The following PPP2R3C variants were observed in gnomAD, a reference collection of about 807,000 sequenced individuals.
PPP2R3C encodes the protein serine/threonine-protein phosphatase 2A regulatory subunit B'' subunit gamma.
Under a neutral mutation model 63.7 loss-of-function variants are expected in PPP2R3C, and 47 were observed. The observed-to-expected ratio is 0.74, with a 90% CI of 0.58 to 0.94. PPP2R3C has a LOEUF of 0.94. Among genes scored for constraint, PPP2R3C ranks in the 40% least tolerant of loss-of-function variants. The pLI is 0.00. For missense variants in PPP2R3C, 421 were observed against 518.4 expected (o/e 0.81, Z 1.82); for synonymous variants, 180 against 177.4 (o/e 1.01, Z -0.12).
At chr14:35,099,519 AC>A in intron 6 of PPP2R3C, 135 bp from the exon 7 acceptor site, 1 of 1,109,098 alleles carries the variant, frequency 9.0e-7, no homozygotes, top group Non-Finnish European at 1.2e-6. Context: ...TAGTGGTAAA[AC>A]TATTTTACAT....
At chr14:35,093,382 G>A (rs2045893503) in intron 10 of PPP2R3C, among the ~76,000 whole-genome samples, 1 of 152,072 alleles carries the variant, frequency 6.6e-6, no homozygotes, top group Non-Finnish European at 1.5e-5. Flanking sequence ...TGCAGATTGT[G>A]ATCTGACTTC....
rs539974574 is a variant in PPP2R3C at position 35,093,106 on chromosome 14, G to C, written c.976-1899C>G. Reference sequence around the variant, plus strand: ...CGGGCGCCTGTAGTCCCAGCTACTCGGGAGGCTGAGGCAGGAGAATGGCGT... The same window carrying C: ...CGGGCGCCTGTAGTCCCAGCTACTCCGGAGGCTGAGGCAGGAGAATGGCGT... On this transcript the variant is annotated intron_variant, in intron 10 of 12. Transcript: ENST00000261475. 9.2e-5 allele frequency among the ~76,000 whole-genome samples: 14 copies of C among 152,178 alleles called. No homozygotes were observed. In the East Asian group the frequency reaches 2.3e-3, roughly 25 times the overall value.
At chr14:35,090,693 C>G (rs1352246695) in intron 11 of PPP2R3C, among the ~76,000 whole-genome samples, 4 of 148,214 alleles carry the variant, frequency 2.7e-5, no homozygotes, top group Non-Finnish European at 5.9e-5. Context: ...CTAGCCACTG[C>G]TTTTGCTGCA....
chr14:35,099,039 G>A, intron 7 of PPP2R3C: 1 of 512,992 alleles, frequency 1.9e-6, no homozygotes, highest in Non-Finnish European at 3.1e-6. Context: ...GCAGGTTATG[G>A]TCAGTGCAAG....
At chr14:35,096,476 G>T in intron 9 of PPP2R3C, 82 bp downstream of exon 9, 2 of 1,178,536 alleles carry the variant, frequency 1.7e-6, no homozygotes, top group Non-Finnish European at 2.5e-6. Context: ...AGGTATATCA[G>T]TGTATGTATA....
intron 6 of PPP2R3C, chr14:35,101,587 G>GA: frequency 6.6e-6 from 1 of 152,164 alleles, no homozygotes. Flanking sequence ...GAAGCACTGT[G>GA]AAAAAATTAC....
Position 35,109,913 on chromosome 14 carries a change from C to T in PPP2R3C, c.310G>A (p.Asp104Asn), listed in dbSNP as rs760770452. 2.9e-5 allele frequency: 46 copies of T among 1,600,054 alleles called. No homozygotes were observed. The highest frequency in any genetic ancestry group is 3.8e-5 in the Non-Finnish European group (44 of 1,171,276). Residue 104 changes from aspartate to asparagine, a missense_variant, in exon 4 of 13, where the codon GAC (aspartate) becomes AAC (asparagine). Around this residue, in one of 3 missense-constraint regions of PPP2R3C, gnomAD observed 143 missense variants for 151.2 expected, o/e 0.95. Coordinates refer to ENST00000261475, the MANE Select transcript of PPP2R3C (RefSeq NM_017917.4). ...ATCATAGGTGGTGTCTGGTGTTTGT[C>T]CAGCAAAAACCATAAGTTCTTAAGA... ...EELQNLWFLL[D>N]KHQTPPMIGE...
intron 4 of PPP2R3C, among the ~76,000 whole-genome samples, chr14:35,109,249 G>T (rs532238019): frequency 1.8e-4 from 27 of 152,110 alleles, no homozygotes; most frequent in Non-Finnish European, 2.2e-4. Flanking sequence ...TAGAGACGGG[G>T]TTTCACCATG....
chr14:35,097,717 C>G (rs1000914120), intron 7 of PPP2R3C, among the ~76,000 whole-genome samples: 1 of 152,144 alleles, frequency 6.6e-6, no homozygotes, highest in African/African-American at 2.4e-5. Context: ...CACCTGACCT[C>G]AGATGATTCA....
chr14:35,089,678 C>A (rs199742625), intron 11 of PPP2R3C, among the ~76,000 whole-genome samples: 1 of 146,634 alleles, frequency 6.8e-6, no homozygotes, highest in Non-Finnish European at 1.5e-5. Flanking sequence ...TTTTTTTTTT[C>A]TTTTTGAGAC....
intron 1 of PPP2R3C, among the ~76,000 whole-genome samples, chr14:35,121,109 T>A (rs1595139411): frequency 3.3e-5 from 5 of 152,262 alleles, no homozygotes; most frequent in Admixed American, 3.3e-4. Context: ...CGGGGCGCGG[T>A]GACTCACGTC....
chr14:35,099,412 A>C (rs749195911), intron 6 of PPP2R3C, 28 bp from the exon 7 acceptor site: 1 of 1,583,070 alleles, frequency 6.3e-7, no homozygotes, highest in Non-Finnish European at 8.5e-7. Context: ...TAAAGTGTTA[A>C]ATGTCCAGTC....
chr14:35,089,961 C>T (rs551813979), intron 11 of PPP2R3C, among the ~76,000 whole-genome samples: 2 of 152,044 alleles, frequency 1.3e-5, no homozygotes, highest in South Asian at 2.1e-4. Context: ...CACCGCAACC[C>T]GGCCGATTTT....
At chr14:35,121,073 C>T (rs1345720476) in intron 1 of PPP2R3C, among the ~76,000 whole-genome samples, 4 of 152,044 alleles carry the variant, frequency 2.6e-5, no homozygotes, top group Non-Finnish European at 5.9e-5. Context: ...GATTAGTGGA[C>T]TTGTATTAAA....
At chr14:35,103,428 C>T (rs1481594179) in intron 6 of PPP2R3C, among the ~76,000 whole-genome samples, 1 of 152,210 alleles carries the variant, frequency 6.6e-6, no homozygotes, top group East Asian at 1.9e-4. Flanking sequence ...AAAGATGCTC[C>T]TTCCAGCCTA....
chr14:35,097,105 C>A (rs1254317237), intron 7 of PPP2R3C, among the ~76,000 whole-genome samples: 3 of 152,008 alleles, frequency 2.0e-5, no homozygotes, highest in Admixed American at 6.6e-5. Context: ...ATCCCAGCTA[C>A]TCTGGAGGCT....
intron 11 of PPP2R3C, among the ~76,000 whole-genome samples, chr14:35,088,768 T>A (rs933823316): frequency 2.6e-5 from 4 of 152,202 alleles, no homozygotes; most frequent in Non-Finnish European, 4.4e-5. Flanking sequence ...ATTAGGATAG[T>A]GATGTCCAAA....
chr14:35,098,348 T>TG lies in PPP2R3C; in HGVS notation c.706+903_706+904insC, dbSNP rs1184039582. 6.2e-4 allele frequency among the ~76,000 whole-genome samples: 76 copies of TG among 122,434 alleles called. 1 individual carries two copies. The highest frequency in any genetic ancestry group is 4.7e-3 in the South Asian group (17 of 3,640). 80.3% of individuals were successfully genotyped at this position (122,434 alleles called of 152,430 possible). On this transcript the variant is annotated intron_variant, in intron 7 of 12. Coordinates refer to ENST00000261475, the MANE Select transcript of PPP2R3C (RefSeq NM_017917.4). ...CCGTGTGTCACTACGCCTGGCTAGTTTTTTTTTTTTTTTTTTTTTTTGAGA... is the reference window on the plus strand; with the variant it reads ...CCGTGTGTCACTACGCCTGGCTAGTTGTTTTTTTTTTTTTTTTTTTTTGAGA...
At position 35,091,102 on chromosome 14, in the gene PPP2R3C, G is replaced by A. The variant is rs1164665223; in HGVS notation, c.1081C>T (p.Leu361=). 2 of 1,606,290 alleles carry A rather than the reference G, an allele frequency of 1.2e-6. No individual in the cohort carries two copies. The highest frequency in any genetic ancestry group is 4.5e-5 in the East Asian group (2 of 44,792). The part of the protein sequence containing the change: ...KLLDIENKGY[L]NVFSLNYFFR... The stretch of plus-strand genomic sequence containing the variant: ...AAATAATTAAGTGAAAAGACATTCA[G>A]GTATCCTTTGTTCTCAATATCAAGC... Residue 361 remains leucine (L), a synonymous_variant, in exon 11 of 13, where the codon CTG becomes TTG. Transcript: ENST00000261475.
Sources: gnomAD v4.1 joint callset for allele counts (sites outside exome capture counted in the v4.1 genomes callset) on GRCh38, gnomAD v4.1.1 for gene constraint, gnomAD v4.1.1 regional missense constraint, MANE v1.5 for transcripts, NCBI Gene and HGNC (gene_info 2026-07-23, HGNC 2026-07-21) for gene names.